LMCD1: variants seen among roughly 807,000 people sequenced by gnomAD.
LMCD1 encodes the protein LIM and cysteine rich domains 1, also known as LIM and cysteine-rich domains protein 1.
Under a neutral mutation model 42.7 loss-of-function variants are expected in LMCD1, and 32 were observed. That is an observed-to-expected ratio of 0.75 (90% CI 0.57 to 1.01). The LOEUF is 1.01. LMCD1 is among the 50% of genes least tolerant of loss of function. LMCD1 has a pLI of 0.00. For missense variants in LMCD1, 458 were observed against 483.1 expected, an observed-to-expected ratio of 0.95 and a Z score of 0.49; for synonymous variants, 178 against 184.9, an observed-to-expected ratio of 0.96 and a Z score of 0.30.
At chr3:8,535,939 TACCCC>T (rs2125024344) in intron 2 of LMCD1, among the ~76,000 whole-genome samples, 1 of 152,352 alleles carries the variant, frequency 6.6e-6, no homozygotes, top group Non-Finnish European at 1.5e-5. Context: ...AGCACTCCTC[TACCCC>T]ACTGGGACAA....
intron 4 of LMCD1, among the ~76,000 whole-genome samples, chr3:8,557,228 A>G (rs1694943881): frequency 6.6e-6 from 1 of 152,238 alleles, no homozygotes; most frequent in Non-Finnish European, 1.5e-5. Context: ...ATGTTAGACT[A>G]CAGAAGAAAG....
intron 4 of LMCD1, among the ~76,000 whole-genome samples, chr3:8,562,485 T>C (rs911639277): frequency 6.6e-6 from 1 of 152,212 alleles, no homozygotes; most frequent in Non-Finnish European, 1.5e-5. Flanking sequence ...CTCTGTTTCT[T>C]GGCTGTGCCC....
At chr3:8,511,417 C>T (rs983424735) in intron 1 of LMCD1, among the ~76,000 whole-genome samples, 7 of 152,142 alleles carry the variant, frequency 4.6e-5, no homozygotes, top group African/African-American at 1.7e-4. Flanking sequence ...CTGATGGTCT[C>T]AGAAAAGGAA....
chr3:8,556,391 T>A (rs1409102682), intron 4 of LMCD1, among the ~76,000 whole-genome samples: 1 of 152,092 alleles, frequency 6.6e-6, no homozygotes, highest in Non-Finnish European at 1.5e-5. Context: ...CAGGAAGCTT[T>A]TTTTTTTCAG....
intron 5 of LMCD1, among the ~76,000 whole-genome samples, 156 bp from the exon 6 acceptor site, chr3:8,567,284 T>G (rs1454605439): frequency 6.6e-6 from 1 of 152,142 alleles, no homozygotes; most frequent in Non-Finnish European, 1.5e-5. Flanking sequence ...TTATCCTTAC[T>G]GCCTCAAATT....
At chr3:8,561,210 C>G (rs556040852) in intron 4 of LMCD1, among the ~76,000 whole-genome samples, 1 of 152,138 alleles carries the variant, frequency 6.6e-6, no homozygotes, top group Non-Finnish European at 1.5e-5. Flanking sequence ...GCATCTAAAG[C>G]CAGGCTCAGC....
chr3:8,547,807 A>G (rs1387677955), intron 3 of LMCD1, among the ~76,000 whole-genome samples: 1 of 151,820 alleles, frequency 6.6e-6, no homozygotes, highest in Non-Finnish European at 1.5e-5. Flanking sequence ...AATGGCGTGA[A>G]CCCGGGAGGC....
At chr3:8,530,392 GTGCTC>G (rs1180571847) in intron 1 of LMCD1, among the ~76,000 whole-genome samples, 2 of 152,216 alleles carry the variant, frequency 1.3e-5, no homozygotes, top group Non-Finnish European at 2.9e-5. Context: ...TCACCGGCGA[GTGCTC>G]TGCTCTGCTC....
At chr3:8,534,358 A>C (rs973285428) in intron 2 of LMCD1, among the ~76,000 whole-genome samples, 8 of 151,980 alleles carry the variant, frequency 5.3e-5, no homozygotes, top group Non-Finnish European at 8.8e-5. Context: ...CCTATTTTTC[A>C]TGGCAACAAG....
rs9846663 is a variant in LMCD1 at position 8,550,245 on chromosome 3, C to A, written c.723+1342C>A. The A allele has an allele frequency of 2.2e-3, 2,392 of 1,071,654 alleles. 55 individuals are homozygous for A. In the African/African-American group the frequency reaches 0.036, roughly 16 times the overall value. 66.4% of individuals were successfully genotyped at this position (1,071,654 alleles called of 1,614,324 possible). ...CTAGCGTGTACTGCGTTTCTGGTCC[C>A]CAGCCCCTGTTTTACCTTTTGCTCC... On this transcript the variant is annotated intron_variant, in intron 4 of 5. Transcript: ENST00000157600.
chr3:8,505,867 C>T (rs181819834), intron 1 of LMCD1, among the ~76,000 whole-genome samples: 1 of 152,318 alleles, frequency 6.6e-6, no homozygotes, highest in Admixed American at 6.5e-5. Context: ...CCCGGGTGAG[C>T]TGATCCAATG....
At chr3:8,551,336 G>A (rs1189754501) in intron 4 of LMCD1, 17 of 985,212 alleles carry the variant, frequency 1.7e-5, no homozygotes, top group Admixed American at 1.2e-4. Context: ...TTGCCTAGGC[G>A]GACGGTGCGA....
intron 2 of LMCD1, among the ~76,000 whole-genome samples, chr3:8,536,910 C>G (rs566455342): frequency 6.6e-6 from 1 of 152,154 alleles, no homozygotes; most frequent in Non-Finnish European, 1.5e-5. Flanking sequence ...CAGCCTTTGC[C>G]GTGGCAACCA....
intron 3 of LMCD1, among the ~76,000 whole-genome samples, chr3:8,541,774 G>A (rs558662362): frequency 1.6e-4 from 25 of 152,252 alleles, no homozygotes; most frequent in South Asian, 6.2e-4. Flanking sequence ...CGTTGACTCC[G>A]GCCCAAACCT....
intron 1 of LMCD1, among the ~76,000 whole-genome samples, chr3:8,525,480 AG>A (rs1449844271): frequency 1.3e-5 from 2 of 152,012 alleles, no homozygotes; most frequent in Admixed American, 6.6e-5. Flanking sequence ...ACAGACACTT[AG>A]GTTGTTTCCA....
chr3:8,530,117 C>A (rs1375697760), intron 1 of LMCD1, among the ~76,000 whole-genome samples: 2 of 152,122 alleles, frequency 1.3e-5, no homozygotes, highest in African/African-American at 4.8e-5. Context: ...CGTAGGCTGG[C>A]CTGTTAAAGG....
intron 1 of LMCD1, among the ~76,000 whole-genome samples, chr3:8,526,260 T>C (rs1398067841): frequency 6.6e-6 from 1 of 152,184 alleles, no homozygotes; most frequent in Non-Finnish European, 1.5e-5. Flanking sequence ...GAAAAACGTG[T>C]GAGGGCCCCA....
intron 4 of LMCD1, among the ~76,000 whole-genome samples, chr3:8,560,820 C>G (rs993740192): frequency 7.2e-5 from 11 of 152,156 alleles, no homozygotes; most frequent in African/African-American, 2.4e-4. Flanking sequence ...ACTCACACCA[C>G]TCATTCTTGG....
At chr3:8,565,375 A>C in intron 4 of LMCD1, 57 bp from the exon 5 acceptor site, 1 of 1,491,902 alleles carries the variant, frequency 6.7e-7, no homozygotes, top group South Asian at 1.1e-5. Flanking sequence ...ATTCGAACCC[A>C]TGTCACTGTG....
Sources: gnomAD v4.1 joint callset for allele counts (sites outside exome capture counted in the v4.1 genomes callset) on GRCh38, gnomAD v4.1.1 for gene constraint, MANE v1.5 for transcripts, NCBI Gene and HGNC (gene_info 2026-07-23, HGNC 2026-07-21) for gene names.